The following SNX29 variants were observed in gnomAD, a reference collection of about 807,000 sequenced individuals.
The protein encoded by SNX29 is sorting nexin 29.
Under a neutral mutation model 102.1 loss-of-function variants are expected in SNX29, and 78 were observed. The ratio of observed to expected loss-of-function variants is 0.76; its 90% CI spans 0.64 to 0.92. The LOEUF (loss-of-function observed/expected upper bound fraction) is 0.92. Among genes scored for constraint, SNX29 ranks in the 40% least tolerant of loss-of-function variants. The probability of loss-of-function intolerance (pLI) is 0.00; values close to 1 mark genes in which losing one functional copy is unlikely to be tolerated. For synonymous variants in SNX29, 580 were observed against 414.5 expected (o/e 1.40, Z -4.85); for missense variants, 1,280 against 1,061.7 (o/e 1.21, Z -2.86).
chr16:12,572,615 A>AC lies in SNX29; in HGVS notation c.*3991dup. 1 of 1,063,308 alleles carries AC rather than the reference A, an allele frequency of 9.4e-7. No individual in the cohort carries two copies. The highest frequency in any genetic ancestry group is 1.1e-6 in the Non-Finnish European group (1 of 878,028). 65.9% of individuals were successfully genotyped at this position (1,063,308 alleles called of 1,614,324 possible). ...CCAGTGAGCCCCCTCCCCTCCGGCT[A>AC]CCCCCAGAATCCATCCTTCATTCCT... On this transcript the variant is annotated 3_prime_UTR_variant, in exon 21 of 21. Coordinates refer to ENST00000566228, the MANE Select transcript of SNX29 (RefSeq NM_032167.5).
chr16:12,559,577 A>C (rs4287557), intron 20 of SNX29, among the ~76,000 whole-genome samples: 1 of 151,808 alleles, frequency 6.6e-6, no homozygotes, highest in East Asian at 1.9e-4. Flanking sequence ...TACATAACTC[A>C]TCCCTGGTGC....
chr16:12,205,396 G>A (rs1460016743), intron 14 of SNX29, among the ~76,000 whole-genome samples: 2 of 152,170 alleles, frequency 1.3e-5, no homozygotes, highest in African/African-American at 4.8e-5. Flanking sequence ...GCTGTTTACC[G>A]TTCATGGTTT....
At chr16:12,487,256 C>G (rs1303280344) in intron 19 of SNX29, among the ~76,000 whole-genome samples, 1 of 152,132 alleles carries the variant, frequency 6.6e-6, no homozygotes, top group Non-Finnish European at 1.5e-5. Context: ...CGTTCTCATC[C>G]CCAGCGATGC....
intron 11 of SNX29, among the ~76,000 whole-genome samples, chr16:12,097,843 G>T (rs867103854): frequency 1.3e-5 from 2 of 152,218 alleles, no homozygotes; most frequent in Admixed American, 1.3e-4. Context: ...TTTGAGCTGG[G>T]ACAGCTCAGT....
intron 15 of SNX29, among the ~76,000 whole-genome samples, chr16:12,320,856 T>C (rs1176332533): frequency 1.3e-5 from 2 of 152,216 alleles, no homozygotes; most frequent in Non-Finnish European, 2.9e-5. Flanking sequence ...TTTAAGCAAA[T>C]CTGGGACCTG....
At chr16:12,120,000 C>A (rs1372603681) in intron 11 of SNX29, among the ~76,000 whole-genome samples, 1 of 152,166 alleles carries the variant, frequency 6.6e-6, no homozygotes, top group Non-Finnish European at 1.5e-5. Flanking sequence ...TTTTTTCCTC[C>A]TTTATCTTAA....
intron 11 of SNX29, among the ~76,000 whole-genome samples, chr16:12,122,426 C>T (rs1334061342): frequency 6.6e-6 from 1 of 151,942 alleles, no homozygotes; most frequent in Non-Finnish European, 1.5e-5. Context: ...ACAGGGCAGG[C>T]CCACGGACTC....
intron 15 of SNX29, among the ~76,000 whole-genome samples, chr16:12,342,601 T>C (rs1295205523): frequency 6.6e-6 from 1 of 152,248 alleles, no homozygotes; most frequent in African/African-American, 2.4e-5. Context: ...AATCAGAATC[T>C]TGTGTCTTTT....
At chr16:12,481,579 G>A (rs1316112222) in intron 19 of SNX29, among the ~76,000 whole-genome samples, 2 of 150,630 alleles carry the variant, frequency 1.3e-5, no homozygotes, top group Admixed American at 1.3e-4. Context: ...CTGTCGCCCA[G>A]GGTGGAGTGC....
At chr16:12,455,930 G>A (rs2151733851) in intron 18 of SNX29, among the ~76,000 whole-genome samples, 1 of 152,224 alleles carries the variant, frequency 6.6e-6, no homozygotes, top group South Asian at 2.1e-4. Context: ...GGCATCTCCA[G>A]GAACTGAGGG....
chr16:12,520,879 C>G (rs186133280), intron 19 of SNX29, among the ~76,000 whole-genome samples: 2 of 152,262 alleles, frequency 1.3e-5, no homozygotes, highest in African/African-American at 4.8e-5. Context: ...GAAGGGGGCA[C>G]TAGAGTTTCA....
At chr16:12,486,081 A>G (rs1233495502) in intron 19 of SNX29, among the ~76,000 whole-genome samples, 1 of 152,206 alleles carries the variant, frequency 6.6e-6, no homozygotes, top group Non-Finnish European at 1.5e-5. Flanking sequence ...ATTTCTTTCT[A>G]GAGACTCCAG....
intron 20 of SNX29, among the ~76,000 whole-genome samples, chr16:12,535,546 G>T (rs2077051582): frequency 6.6e-6 from 1 of 152,162 alleles, no homozygotes; most frequent in Non-Finnish European, 1.5e-5. Context: ...TCTCACAGCT[G>T]GGACGTGGCA....
chr16:12,542,105 G>C (rs80051819), intron 20 of SNX29, among the ~76,000 whole-genome samples: 2 of 151,948 alleles, frequency 1.3e-5, no homozygotes, highest in African/African-American at 4.8e-5. Context: ...TCTTCCCAAC[G>C]GATCCCTAAA....
chr16:12,504,259 G>C (rs767945314), intron 19 of SNX29, among the ~76,000 whole-genome samples: 4 of 152,158 alleles, frequency 2.6e-5, no homozygotes, highest in Non-Finnish European at 4.4e-5. Context: ...TATAATTCAT[G>C]TACCAGGTGA....
intron 15 of SNX29, among the ~76,000 whole-genome samples, chr16:12,304,854 C>T (rs759500391): frequency 2.7e-4 from 41 of 152,282 alleles, no homozygotes; most frequent in South Asian, 2.5e-3. Context: ...TATGATTTTA[C>T]GAGAACATTC....
intron 19 of SNX29, among the ~76,000 whole-genome samples, chr16:12,514,780 A>C (rs1186032268): frequency 2.0e-5 from 3 of 152,016 alleles, no homozygotes; most frequent in Non-Finnish European, 4.4e-5. Flanking sequence ...CAGGAGAATC[A>C]CTTGAACCGG....
intron 3 of SNX29, among the ~76,000 whole-genome samples, chr16:12,007,876 T>A (rs2056509355): frequency 6.6e-6 from 1 of 152,264 alleles, no homozygotes. Flanking sequence ...CCTGGAGGCC[T>A]CACATGCCCT....
intron 16 of SNX29, among the ~76,000 whole-genome samples, chr16:12,359,278 G>A (rs2082233577): frequency 6.6e-6 from 1 of 152,202 alleles, no homozygotes; most frequent in South Asian, 2.1e-4. Flanking sequence ...AGTCGTCTTT[G>A]TTGATGGTTG....
Sources: gnomAD v4.1 joint callset for allele counts (sites outside exome capture counted in the v4.1 genomes callset) on GRCh38, gnomAD v4.1.1 for gene constraint, MANE v1.5 for transcripts, NCBI Gene and HGNC (gene_info 2026-07-23, HGNC 2026-07-21) for gene names.